The following ADGRL3 variants were observed in gnomAD, a reference collection of about 807,000 sequenced individuals.
ADGRL3 encodes the protein adhesion G protein-coupled receptor L3.
In ADGRL3, 62 loss-of-function variants were observed where a neutral mutation model predicts 153.5. That is an observed-to-expected ratio of 0.40 (90% CI 0.33 to 0.50). The LOEUF is 0.50. Among genes scored for constraint, ADGRL3 ranks in the 20% least tolerant of loss-of-function variants. The pLI is 0.47. For synonymous variants in ADGRL3, 710 were observed against 672.5 expected, an observed-to-expected ratio of 1.06 and a Z score of -0.86; for missense variants, 1,641 against 1,859.4, an observed-to-expected ratio of 0.88 and a Z score of 2.16.
intron 5 of ADGRL3, among the ~76,000 whole-genome samples, chr4:61,658,984 T>A (rs1172537930): frequency 6.6e-6 from 1 of 152,286 alleles, no homozygotes; most frequent in Middle Eastern, 3.4e-3. Context: ...AGATACTGTT[T>A]TAGAAGGTTC....
chr4:61,583,548 A>T (rs980165754), intron 4 of ADGRL3: 2 of 381,136 alleles, frequency 5.2e-6, no homozygotes, highest in South Asian at 2.2e-5. Context: ...TTTATATTTT[A>T]TGTGCTTTCC....
intron 15 of ADGRL3, among the ~76,000 whole-genome samples, chr4:61,946,221 A>G (rs528127478): frequency 6.6e-6 from 1 of 152,262 alleles, no homozygotes; most frequent in African/African-American, 2.4e-5. Context: ...CATCCTTATC[A>G]ACATTAGTGT....
intron 15 of ADGRL3, among the ~76,000 whole-genome samples, chr4:61,936,685 A>G (rs941589271): frequency 3.3e-5 from 5 of 151,936 alleles, no homozygotes; most frequent in South Asian, 4.1e-4. Context: ...ATATGTATGT[A>G]TAGATGTGTG....
intron 1 of ADGRL3, among the ~76,000 whole-genome samples, chr4:61,216,444 C>T (rs2148940962): frequency 6.6e-6 from 1 of 152,066 alleles, no homozygotes; most frequent in East Asian, 1.9e-4. Flanking sequence ...TGTATCAAGG[C>T]AGTTTCAACT....
At chr4:61,496,892 G>T (rs986128531) in intron 2 of ADGRL3, among the ~76,000 whole-genome samples, 1 of 150,864 alleles carries the variant, frequency 6.6e-6, no homozygotes, top group African/African-American at 2.4e-5. Context: ...AGTGAGCCGA[G>T]ATCGCGCCAC....
intron 2 of ADGRL3, among the ~76,000 whole-genome samples, chr4:61,482,847 A>G (rs997906903): frequency 6.6e-6 from 1 of 152,182 alleles, no homozygotes; most frequent in Non-Finnish European, 1.5e-5. Context: ...TTTCAGGTGC[A>G]TGGTCTCTAG....
At chr4:61,222,836 TA>T (rs1435176232) in intron 1 of ADGRL3, among the ~76,000 whole-genome samples, 6 of 152,160 alleles carry the variant, frequency 3.9e-5, no homozygotes, top group African/African-American at 1.4e-4. Context: ...TATTTCCTCT[TA>T]GGGGTCCTTA....
At chr4:61,846,791 G>A (rs1213677875) in intron 9 of ADGRL3, among the ~76,000 whole-genome samples, 1 of 151,850 alleles carries the variant, frequency 6.6e-6, no homozygotes, top group Non-Finnish European at 1.5e-5. Flanking sequence ...AAGGTGAAGG[G>A]GGAGCAGGCA....
At chr4:61,846,970 GTA>G (rs1158617690) in intron 9 of ADGRL3, among the ~76,000 whole-genome samples, 91 of 133,642 alleles carry the variant, frequency 6.8e-4, no homozygotes, top group African/African-American at 2.0e-3. Context: ...GTGTGTGTGT[GTA>G]TATATATGTA....
At chr4:61,234,105 G>GTA (rs1560373790) in intron 1 of ADGRL3, among the ~76,000 whole-genome samples, 1 of 152,058 alleles carries the variant, frequency 6.6e-6, no homozygotes, top group South Asian at 2.1e-4. Context: ...TGGGCTAGAG[G>GTA]TATAGATTTT....
At chr4:61,696,251 T>C (rs1285641077) in intron 6 of ADGRL3, among the ~76,000 whole-genome samples, 1 of 152,202 alleles carries the variant, frequency 6.6e-6, no homozygotes, top group East Asian at 1.9e-4. Flanking sequence ...TTTCTGAATC[T>C]GCATATGACT....
At chr4:61,682,611 G>C (rs943244239) in intron 6 of ADGRL3, among the ~76,000 whole-genome samples, 1 of 140,194 alleles carries the variant, frequency 7.1e-6, no homozygotes, top group Admixed American at 7.8e-5. Context: ...ATGTTTCCCA[G>C]GCTGGTCTCA....
chr4:61,949,396 G>A (rs1315166812), intron 17 of ADGRL3, among the ~76,000 whole-genome samples: 1 of 151,918 alleles, frequency 6.6e-6, no homozygotes, highest in Non-Finnish European at 1.5e-5. Flanking sequence ...ATGGATAATT[G>A]CATTTAAAAT....
chr4:61,655,132 T>C (rs188373120), intron 5 of ADGRL3, among the ~76,000 whole-genome samples: 234 of 152,190 alleles, frequency 1.5e-3, no homozygotes, highest in African/African-American at 5.5e-3. Flanking sequence ...TCACACATAG[T>C]ATATGACTTG....
intron 2 of ADGRL3, among the ~76,000 whole-genome samples, chr4:61,445,734 C>T (rs142330496): frequency 1.1e-4 from 16 of 152,274 alleles, no homozygotes; most frequent in African/African-American, 3.4e-4. Flanking sequence ...CATTTCTTAG[C>T]CTTAAATGCT....
chr4:61,353,600 ATTTTTTTTT>A (rs34199193), intron 1 of ADGRL3, among the ~76,000 whole-genome samples: 1 of 118,840 alleles, frequency 8.4e-6, no homozygotes, highest in East Asian at 2.4e-4. Context: ...TTTTCTTTCA[ATTTTTTTTT>A]TTTTTTTTTT....
At chr4:61,667,782 T>G (rs2094850864) in intron 5 of ADGRL3, among the ~76,000 whole-genome samples, 1 of 152,160 alleles carries the variant, frequency 6.6e-6, no homozygotes, top group Admixed American at 6.5e-5. Context: ...CAAATTAAAG[T>G]CAAAACATTT....
At chr4:61,554,474 G>A (rs562035240) in intron 4 of ADGRL3, among the ~76,000 whole-genome samples, 1 of 152,152 alleles carries the variant, frequency 6.6e-6, no homozygotes, top group Admixed American at 6.6e-5. Flanking sequence ...GGTATTATAG[G>A]TGTGAGCCAC....
intron 9 of ADGRL3, among the ~76,000 whole-genome samples, chr4:61,847,375 G>A (rs1360031867): frequency 6.6e-6 from 1 of 150,548 alleles, no homozygotes; most frequent in South Asian, 2.1e-4. Flanking sequence ...AGATCAAGCA[G>A]CAGTGTATGG....
Sources: allele counts gnomAD v4.1 joint callset (sites outside exome capture counted in the v4.1 genomes callset), GRCh38; gene constraint gnomAD v4.1.1; transcripts MANE v1.5; gene names NCBI Gene and HGNC (gene_info 2026-07-23, HGNC 2026-07-21).